C7orf33: variants seen among roughly 807,000 people sequenced by gnomAD.
C7orf33 encodes the protein uncharacterized protein C7orf33.
In C7orf33, 15 loss-of-function variants were observed where a neutral mutation model predicts 13.4. The observed-to-expected ratio is 1.12, with a 90% CI of 0.75 to 1.72. The LOEUF is 1.72. Among genes scored for constraint, C7orf33 ranks in the 40% most tolerant of loss-of-function variants. The probability of loss-of-function intolerance (pLI) is 0.00; values close to 1 mark genes in which losing one functional copy is unlikely to be tolerated. For synonymous variants in C7orf33, 73 were observed against 83.2 expected (o/e 0.88, Z 0.67); for missense variants, 187 against 220.3 (o/e 0.85, Z 0.96).
intron 1 of C7orf33, among the ~76,000 whole-genome samples, chr7:148,600,850 T>G (rs910967132): frequency 2.1e-5 from 3 of 142,786 alleles, no homozygotes; most frequent in Non-Finnish European, 4.5e-5. Context: ...TCACCCAGGC[T>G]GGAGAGCAGT....
intron 1 of C7orf33, among the ~76,000 whole-genome samples, chr7:148,600,355 C>T (rs1796397793): frequency 2.0e-5 from 3 of 152,302 alleles, no homozygotes; most frequent in African/African-American, 7.2e-5. Context: ...CCTGTAATCG[C>T]AGCTACTCAG....
At chr7:148,591,747 A>T (rs1462929588) in intron 1 of C7orf33, among the ~76,000 whole-genome samples, 1 of 151,886 alleles carries the variant, frequency 6.6e-6, no homozygotes, top group Admixed American at 6.6e-5. Flanking sequence ...GGCTTAGCTA[A>T]TTTTTTTATT....
At position 148,614,133 on chromosome 7, in the gene C7orf33, T is replaced by C; in HGVS notation, c.296T>C (p.Leu99Pro). ...PTKSGAPWHF[L>P]SQGPTDAQRA... is the part of the protein sequence containing the mutation. ...AAATCTGGTGCCCCGTGGCATTTTC[T>C]TTCTCAAGGTCCCACGGATGCCCAG... The change falls in exon 2 of 3, where the codon CTT becomes CCT. Residue 99 changes from leucine to proline, a missense_variant. Transcript: ENST00000307003. The C allele has an allele frequency of 6.2e-7, 1 of 1,614,236 alleles. No individual in the cohort carries two copies. Among genetic ancestry groups the C allele is most frequent in the East Asian group, 2.2e-5 (1 of 44,884 alleles).
chr7:148,595,459 C>T (rs1337396896), intron 1 of C7orf33, among the ~76,000 whole-genome samples: 1 of 120,836 alleles, frequency 8.3e-6, no homozygotes, highest in African/African-American at 3.7e-5. Context: ...TATTATATAG[C>T]TATATATATG....
In C7orf33 at chr7:148,599,788, T is replaced by C. The variant is rs567883415; in HGVS notation, c.204+8659T>C. 2.5e-4 allele frequency among the ~76,000 whole-genome samples: 38 copies of C among 152,220 alleles called. No homozygotes were observed. The East Asian group carries it at 6.4e-3, about 26-fold the overall frequency. On this transcript the variant is annotated intron_variant, in intron 1 of 2. Coordinates refer to ENST00000307003, the MANE Select transcript of C7orf33 (RefSeq NM_145304.4). ...ACGCCCAGCCTAGAATTCTCAGATT[T>C]CTTAAAGTCCACCCTGGAATGTGGG...
intron 2 of C7orf33, among the ~76,000 whole-genome samples, chr7:148,614,536 A>G (rs1796580628): frequency 6.6e-6 from 1 of 152,230 alleles, no homozygotes. Context: ...TCTCCCTTGT[A>G]TTAATGATAA....
chr7:148,614,074 G>T lies in C7orf33; in HGVS notation c.237G>T (p.Gly79=). The T allele has an allele frequency of 6.2e-7, 1 of 1,614,130 alleles. No individual in the cohort carries two copies. The highest frequency in any genetic ancestry group is 8.5e-7 in the Non-Finnish European group (1 of 1,180,016). ...ACCCACACCAAAACATGAACCGGGG[G>T]ATGGAATTTATTGCTCCTGTATCAG... ...KPNPHQNMNR[G]MEFIAPVSAP... Residue 79 remains glycine, a synonymous_variant, in exon 2 of 3, where the codon GGG becomes GGT. Coordinates refer to ENST00000307003, the MANE Select transcript of C7orf33 (RefSeq NM_145304.4).
At chr7:148,607,181 C>T (rs373614843) in intron 1 of C7orf33, among the ~76,000 whole-genome samples, 3 of 152,080 alleles carry the variant, frequency 2.0e-5, no homozygotes, top group Non-Finnish European at 4.4e-5. Context: ...GACTTCTCTG[C>T]GGGGAAGCAA....
intron 1 of C7orf33, among the ~76,000 whole-genome samples, chr7:148,610,930 C>T (rs1796530073): frequency 6.6e-6 from 1 of 152,200 alleles, no homozygotes; most frequent in Non-Finnish European, 1.5e-5. Flanking sequence ...CCTTCTTGTT[C>T]TGTGGCCCCA....
At position 148,615,594 on chromosome 7, in the gene C7orf33, G is replaced by A. The variant is rs1796594064; in HGVS notation, c.*193G>A. The A allele has an allele frequency of 2.1e-6, 1 of 487,464 alleles. No individual in the cohort carries two copies. The highest frequency in any genetic ancestry group is 3.8e-6 in the Non-Finnish European group (1 of 266,426). 30.2% of individuals were successfully genotyped at this position (487,464 alleles called of 1,614,324 possible). A position where few individuals can be genotyped will look rare whatever the true frequency, so the allele number is the denominator to read the frequency against. On this transcript the variant is annotated 3_prime_UTR_variant, in exon 3 of 3. Coordinates refer to ENST00000307003, the MANE Select transcript of C7orf33 (RefSeq NM_145304.4). ...TTGATCATGAGCCCAAGTTCCACGT[G>A]TACCTGCAGGAATCTGTGTGGCATT...
At chr7:148,608,495 A>G (rs929947590) in intron 1 of C7orf33, among the ~76,000 whole-genome samples, 10 of 151,938 alleles carry the variant, frequency 6.6e-5, no homozygotes, top group African/African-American at 2.2e-4. Context: ...TAATCACTCG[A>G]CATGGACTTA....
Position 148,595,623 on chromosome 7 carries a change from TA to T in C7orf33, c.204+4496del, listed in dbSNP as rs536942645. On this transcript the variant is annotated intron_variant, in intron 1 of 2. Transcript: ENST00000307003. Reference sequence around the variant, plus strand: ...ATATACATATTATATATATTATATATAATATACATCTATATTATATAGATAT... The same window carrying T: ...ATATACATATTATATATATTATATATATATACATCTATATTATATAGATAT... Among the ~76,000 whole-genome samples, 297 of 124,104 alleles carry T rather than the reference TA, an allele frequency of 2.4e-3. 10 individuals are homozygous for T. The South Asian group carries it at 0.027, about 11-fold the overall frequency. The allele number at this position is 124,104 out of a possible 152,430, so 81.4% of individuals were successfully genotyped here.
Position 148,591,032 on chromosome 7 carries a change from T to C in C7orf33, c.107T>C (p.Ile36Thr), listed in dbSNP as rs1324788246. 2.5e-6 allele frequency: 4 copies of C among 1,614,178 alleles called. No individual in the cohort carries two copies. In the South Asian group the frequency reaches 4.4e-5, roughly 18 times the overall value. ...ALLPSGARRR[I>T]DLRLSGRAVA... ...CTGCCCAGTGGGGCAAGGCGCCGGA[T>C]TGACCTTCGCCTGAGTGGGAGGGCA... The change falls in exon 1 of 3, where the codon ATT becomes ACT. Residue 36 changes from isoleucine to threonine, a missense_variant. By Grantham distance (89) the Ile-to-Thr change is moderately conservative. Coordinates refer to ENST00000307003, the MANE Select transcript of C7orf33 (RefSeq NM_145304.4).
At position 148,614,288 on chromosome 7, in the gene C7orf33, T is replaced by A; in HGVS notation, c.451T>A (p.Tyr151Asn). 1 of 1,613,924 alleles carries A rather than the reference T, an allele frequency of 6.2e-7. No homozygotes were observed. The highest frequency in any genetic ancestry group is 8.5e-7 in the Non-Finnish European group (1 of 1,179,818). ...GCCTGGGAGGACAGTGACAAGTTCA[T>A]ACCTAAACGTAAGCTCCGAAGTGTC... ...YKPGRTVTSS[Y>N]LNVRGHEVRK... The change falls in exon 2 of 3, where the codon TAC becomes AAC. Residue 151 changes from tyrosine (Y) to asparagine (N), a missense_variant. Transcript: ENST00000307003.
intron 1 of C7orf33, among the ~76,000 whole-genome samples, chr7:148,609,067 T>C (rs552234372): frequency 1.6e-5 from 2 of 123,222 alleles, no homozygotes; most frequent in South Asian, 2.4e-4. Context: ...GTGTGTGAAA[T>C]AGAAAATACC....
Position 148,593,458 on chromosome 7 carries a change from T to G in C7orf33, c.204+2329T>G, listed in dbSNP as rs13438728. Among the ~76,000 whole-genome samples the G allele has an allele frequency of 1.7e-4, 26 of 151,802 alleles. 2 individuals carry two copies. The East Asian group carries it at 4.9e-3, about 29-fold the overall frequency. ...TTTTGTATTTTTAGTAGAGTCGAGG[T>G]TTCACCATGTTGGCCAGGCTGGTCT... is the stretch of plus-strand genomic sequence containing the variant. On this transcript the variant is annotated intron_variant, in intron 1 of 2. Coordinates refer to ENST00000307003, the MANE Select transcript of C7orf33 (RefSeq NM_145304.4).
Position 148,590,786 on chromosome 7 carries a change from A to C in C7orf33, c.-140A>C. ...ACCTTACTTATGGTGATGCCAATCC[A>C]GTGGTCAGGAGCGAGGCGCCCAGCC... On this transcript the variant is annotated 5_prime_UTR_variant, in exon 1 of 3. Transcript: ENST00000307003. 1.3e-6 allele frequency: 1 copy of C among 752,822 alleles called. No individual in the cohort carries two copies. Among genetic ancestry groups the C allele is most frequent in the Non-Finnish European group, 2.3e-6 (1 of 440,712 alleles). The allele number at this position is 752,822 out of a possible 1,614,324, so 46.6% of individuals were successfully genotyped here.
In C7orf33 at chr7:148,615,312, G is replaced by C. The variant is rs6975281; in HGVS notation, c.460-15G>C. On this transcript the variant is annotated splice_polypyrimidine_tract_variant and intron_variant, in intron 2 of 2. Transcript: ENST00000307003. ...TCATCCTGAGATAACAGAAGTCTTC[G>C]TAATCCACATGTAGGTACGTGGGCA... is the stretch of plus-strand genomic sequence containing the variant. The C allele has an allele frequency of 1.3e-6, 2 of 1,579,966 alleles. No individual in the cohort carries two copies. Among genetic ancestry groups the C allele is most frequent in the African/African-American group, 2.7e-5 (2 of 74,042 alleles).
At chr7:148,611,852 A>G (rs1796547379) in intron 1 of C7orf33, among the ~76,000 whole-genome samples, 1 of 152,360 alleles carries the variant, frequency 6.6e-6, no homozygotes, top group African/African-American at 2.4e-5. Context: ...TCATCCCGGC[A>G]TCTGCACCTG....
Sources: gnomAD v4.1 joint callset for allele counts (sites outside exome capture counted in the v4.1 genomes callset) on GRCh38, gnomAD v4.1.1 for gene constraint, MANE v1.5 for transcripts, NCBI Gene and HGNC (gene_info 2026-07-23, HGNC 2026-07-21) for gene names.